The following PSIP1 variants were observed in gnomAD, a reference collection of about 807,000 sequenced individuals.
PSIP1 encodes the protein PC4 and SFRS1-interacting protein.
Under a neutral mutation model 74.7 loss-of-function variants are expected in PSIP1, and 19 were observed. That is an observed-to-expected ratio of 0.25 (90% CI 0.18 to 0.37). PSIP1 has a LOEUF of 0.37. Among genes scored for constraint, PSIP1 ranks in the 10% least tolerant of loss-of-function variants. PSIP1 has a pLI of 1.00. For missense variants in PSIP1, 601 were observed against 614.3 expected (o/e 0.98, Z 0.23); for synonymous variants, 222 against 195.3 (o/e 1.14, Z -1.14).
chr9:15,502,674 T>C (rs1303651382), intron 3 of PSIP1, among the ~76,000 whole-genome samples: 1 of 152,158 alleles, frequency 6.6e-6, no homozygotes, highest in African/African-American at 2.4e-5. Context: ...AAGAACAAGA[T>C]TTGCTGACTG....
At chr9:15,478,236 A>C (rs1184326761) in intron 8 of PSIP1, among the ~76,000 whole-genome samples, 2 of 151,408 alleles carry the variant, frequency 1.3e-5, no homozygotes, top group African/African-American at 2.4e-5. Context: ...TTTATGTTGT[A>C]TTATCTAAGT....
At chr9:15,490,600 T>C (rs982060023) in intron 3 of PSIP1, among the ~76,000 whole-genome samples, 6 of 148,128 alleles carry the variant, frequency 4.1e-5, no homozygotes, top group Middle Eastern at 3.5e-3. Context: ...GGAGAATCGC[T>C]TGAACCCGGG....
chr9:15,481,613 G>A (rs984624491), intron 6 of PSIP1, among the ~76,000 whole-genome samples: 3 of 152,100 alleles, frequency 2.0e-5, no homozygotes, highest in African/African-American at 7.2e-5. Flanking sequence ...GAACCCAGGA[G>A]GCAGAGATTG....
intron 9 of PSIP1, among the ~76,000 whole-genome samples, chr9:15,473,751 A>C (rs1279805334): frequency 6.6e-6 from 1 of 152,084 alleles, no homozygotes; most frequent in Non-Finnish European, 1.5e-5. Context: ...AAATACAAAA[A>C]TTAGCCGGTA....
In PSIP1 at chr9:15,472,700, C is replaced by T. The variant is rs749236156; in HGVS notation, c.909G>A (p.Leu303=). ...NFQTAHRRNM[L]KGQHEKEAAD... ...CTGCTTCTTTCTCATGTTGGCCTTT[C>T]AGCATATTCCTTCTGTGAGCAGTCT... Residue 303 remains leucine, a synonymous_variant, in exon 10 of 16, where the codon CTG becomes CTA. Coordinates refer to ENST00000380733, the MANE Select transcript of PSIP1 (RefSeq NM_033222.5). 3.7e-6 allele frequency: 6 copies of T among 1,609,226 alleles called. No individual in the cohort carries two copies.
At position 15,470,721 on chromosome 9, in the gene PSIP1, T is replaced by TA. The variant is rs537098900; in HGVS notation, c.978-729dup. 2.3e-3 allele frequency: 2,165 copies of TA among 952,688 alleles called. 32 individuals are homozygous for TA. In the African/African-American group the frequency reaches 0.034, roughly 15 times the overall value. The allele number at this position is 952,688 out of a possible 1,614,324, so 59.0% of individuals were successfully genotyped here. ...CTACTACTGTTTAATCTCTCAGGATTAAAAAAACATTTATTAAGATTCTAA... is the reference window on the plus strand; with the variant it reads ...CTACTACTGTTTAATCTCTCAGGATTAAAAAAAACATTTATTAAGATTCTAA... On this transcript the variant is annotated intron_variant, in intron 10 of 15. Transcript: ENST00000380733.
chr9:15,493,820 C>T (rs1203773504), intron 3 of PSIP1, among the ~76,000 whole-genome samples: 1 of 152,208 alleles, frequency 6.6e-6, no homozygotes, highest in Non-Finnish European at 1.5e-5. Flanking sequence ...TCAATTACCT[C>T]TACCTGGTCC....
At chr9:15,467,363 G>A (rs915431149) in intron 14 of PSIP1, among the ~76,000 whole-genome samples, 10 of 152,196 alleles carry the variant, frequency 6.6e-5, no homozygotes, top group South Asian at 2.1e-4. Flanking sequence ...GGGGACCCAT[G>A]TCATTCCCCA....
chr9:15,487,401 C>T (rs1386123753), intron 4 of PSIP1, among the ~76,000 whole-genome samples: 1 of 151,856 alleles, frequency 6.6e-6, no homozygotes, highest in Non-Finnish European at 1.5e-5. Flanking sequence ...TCAAGACCAG[C>T]CTGGCTAATA....
intron 2 of PSIP1, among the ~76,000 whole-genome samples, chr9:15,508,689 C>T (rs2037711685): frequency 1.3e-5 from 2 of 152,150 alleles, no homozygotes; most frequent in African/African-American, 2.4e-5. Context: ...GGGCCTTAAA[C>T]CTGATCAGTT....
At position 15,489,993 on chromosome 9, in the gene PSIP1, C is replaced by G. The variant is rs202096899; in HGVS notation, c.281G>C (p.Ser94Thr). Reference sequence around the variant, plus strand: ...TTATGTAATATGACTTACCTGTTGACTTGAAAATTTCACTTTTGGATTGTT... The same window carrying G: ...TTATGTAATATGACTTACCTGTTGAGTTGAAAATTTCACTTTTGGATTGTT... ...IDNNPKVKFS[S>T]QQAATKQSNA... The change falls in exon 4 of 16, where the codon AGT becomes ACT. Residue 94 changes from serine to threonine, a missense_variant. Ser to Thr is a moderately conservative substitution (Grantham distance 58). Transcript: ENST00000380733. 72 of 1,570,224 alleles carry G rather than the reference C, an allele frequency of 4.6e-5. No individual in the cohort carries two copies. The highest frequency in any genetic ancestry group is 1.4e-4 in the African/African-American group (10 of 72,668).
At chr9:15,508,146 G>C (rs2037685281) in intron 2 of PSIP1, among the ~76,000 whole-genome samples, 1 of 152,154 alleles carries the variant, frequency 6.6e-6, no homozygotes, top group African/African-American at 2.4e-5. Context: ...GTACATGAAT[G>C]TTTAAGACTT....
chr9:15,474,376 G>C (rs745345594), intron 8 of PSIP1, 139 bp from the exon 9 acceptor site: 10 of 675,960 alleles, frequency 1.5e-5, no homozygotes, highest in Middle Eastern at 8.6e-4. Context: ...ATCATAAAAG[G>C]AATTCTGTCA....
Position 15,464,988 on chromosome 9 carries a change from T to TATAC in PSIP1, c.*531_*532insGTAT. 1 of 219,388 alleles carries TATAC rather than the reference T, an allele frequency of 4.6e-6. No individual in the cohort carries two copies. The highest frequency in any genetic ancestry group is 9.2e-6 in the Non-Finnish European group (1 of 109,244). The allele number at this position is 219,388 out of a possible 1,614,324, so 13.6% of individuals were successfully genotyped here. A position where few individuals can be genotyped will look rare whatever the true frequency, so the allele number is the denominator to read the frequency against. ...AGAAGCTGGATAATGTAGCACAATGTAGACTGTGAGATTAAAATTAACTTT... is the reference window on the plus strand; with the variant it reads ...AGAAGCTGGATAATGTAGCACAATGTATACAGACTGTGAGATTAAAATTAACTTT... On this transcript the variant is annotated 3_prime_UTR_variant, in exon 16 of 16. Transcript: ENST00000380733.
Position 15,474,035 on chromosome 9 carries a change from C to T in PSIP1, c.832G>A (p.Glu278Lys). 1 of 1,612,934 alleles carries T rather than the reference C, an allele frequency of 6.2e-7. No homozygotes were observed. Among genetic ancestry groups the T allele is most frequent in the Non-Finnish European group, 8.5e-7 (1 of 1,179,668 alleles). ...TTTTCACCTTCTTGATCATCTCCTT[C>T]TTCTTCAGAATCGGAGGTTGAAGTA... ...GVTSTSDSEE[E>K]GDDQEGEKKR... The change falls in exon 9 of 16, where the codon GAA becomes AAA. Residue 278 changes from glutamate to lysine, a missense_variant. Glu to Lys is a moderately conservative substitution (Grantham distance 56). This residue lies in a region of PSIP1 where 538 missense variants were observed against 507.6 expected (regional missense o/e 1.06). Transcript: ENST00000380733.
chr9:15,468,629 C>A lies in PSIP1; in HGVS notation c.1420+1G>T. ...GAAATTGTTGGCTTTTTACCACATA[C>A]CTGTTTGTTCCTTCTCTAGCTTTTT... On this transcript the variant is annotated splice_donor_variant, in intron 14 of 15. Transcript: ENST00000380733. LOFTEE classifies it high-confidence loss of function. The A allele has an allele frequency of 6.2e-7, 1 of 1,613,562 alleles. No individual in the cohort carries two copies. The highest frequency in any genetic ancestry group is 8.5e-7 in the Non-Finnish European group (1 of 1,179,538).
intron 3 of PSIP1, among the ~76,000 whole-genome samples, chr9:15,494,138 CATT>C (rs2036963973): frequency 6.6e-6 from 1 of 152,134 alleles, no homozygotes; most frequent in Admixed American, 6.5e-5. Context: ...TTATTACTAT[CATT>C]AGATACATAT....
At chr9:15,477,570 T>C (rs1469683740) in intron 8 of PSIP1, among the ~76,000 whole-genome samples, 1 of 152,034 alleles carries the variant, frequency 6.6e-6, no homozygotes, top group East Asian at 1.9e-4. Context: ...ACTTAAGCCT[T>C]TCAAATCTTC....
intron 3 of PSIP1, among the ~76,000 whole-genome samples, chr9:15,495,708 A>C (rs2037042671): frequency 6.6e-6 from 1 of 152,178 alleles, no homozygotes; most frequent in South Asian, 2.1e-4. Context: ...TTTATCCTTC[A>C]TGCTTTCAAT....
Sources: allele counts gnomAD v4.1 joint callset (sites outside exome capture counted in the v4.1 genomes callset), GRCh38; gene constraint gnomAD v4.1.1; regional missense constraint gnomAD v4.1.1; transcripts MANE v1.5; gene names NCBI Gene and HGNC (gene_info 2026-07-23, HGNC 2026-07-21).